The following PLXNA4 variants were observed in gnomAD, a reference collection of about 807,000 sequenced individuals.
The protein encoded by PLXNA4 is plexin-A4.
In PLXNA4, 44 loss-of-function variants were observed where a neutral mutation model predicts 191.8. That is an observed-to-expected ratio of 0.23 (90% confidence interval 0.18 to 0.29). The LOEUF (loss-of-function observed/expected upper bound fraction) is 0.29. Among genes scored for constraint, PLXNA4 ranks in the 10% least tolerant of loss-of-function variants. PLXNA4 has a pLI of 1.00. For missense variants in PLXNA4, 1,800 were observed against 2,488.8 expected, an observed-to-expected ratio of 0.72 and a Z score of 5.89; for synonymous variants, 1,082 against 1,009.5, an observed-to-expected ratio of 1.07 and a Z score of -1.36.
intron 3 of PLXNA4, among the ~76,000 whole-genome samples, chr7:132,453,289 C>T (rs1411867499): frequency 6.6e-6 from 1 of 152,144 alleles, no homozygotes; most frequent in African/African-American, 2.4e-5. Context: ...AGAAAGGTGA[C>T]ACAGACCCCA....
At chr7:132,227,929 G>T (rs932020323) in intron 6 of PLXNA4, among the ~76,000 whole-genome samples, 1 of 152,126 alleles carries the variant, frequency 6.6e-6, no homozygotes, top group Non-Finnish European at 1.5e-5. Flanking sequence ...CTTCCATTAG[G>T]CCCAATTTTG....
intron 3 of PLXNA4, among the ~76,000 whole-genome samples, chr7:132,355,744 A>T (rs77114902): frequency 6.6e-6 from 1 of 151,794 alleles, no homozygotes; most frequent in Non-Finnish European, 1.5e-5. Context: ...GTAGAGGGCA[A>T]GGGGGAAGGG....
chr7:132,469,452 G>A (rs751386208), intron 3 of PLXNA4, among the ~76,000 whole-genome samples: 6 of 152,096 alleles, frequency 3.9e-5, no homozygotes, highest in East Asian at 3.9e-4. Flanking sequence ...AGTCATTTCC[G>A]CTTTTTCAGC....
At chr7:132,558,673 C>A (rs1037975748) in intron 1 of PLXNA4, among the ~76,000 whole-genome samples, 2 of 152,236 alleles carry the variant, frequency 1.3e-5, no homozygotes, top group African/African-American at 4.8e-5. Flanking sequence ...CCCCAACAAT[C>A]GGCCTGGGGC....
At chr7:132,299,780 C>G (rs759449239) in intron 3 of PLXNA4, among the ~76,000 whole-genome samples, 1 of 152,132 alleles carries the variant, frequency 6.6e-6, no homozygotes, top group Non-Finnish European at 1.5e-5. Context: ...CCAGCTTGAT[C>G]TTACTCTCTG....
chr7:132,421,191 C>T (rs968345330), intron 3 of PLXNA4, among the ~76,000 whole-genome samples: 1 of 152,196 alleles, frequency 6.6e-6, no homozygotes, highest in Non-Finnish European at 1.5e-5. Context: ...AATCATACAG[C>T]ATTTGTCCTT....
chr7:132,518,820 A>G (rs1188855381), intron 1 of PLXNA4, among the ~76,000 whole-genome samples: 1 of 152,052 alleles, frequency 6.6e-6, no homozygotes, highest in Non-Finnish European at 1.5e-5. Flanking sequence ...ATGTTTATAC[A>G]TGGTTTCCAC....
At chr7:132,507,471 C>T (rs1201430731) in intron 2 of PLXNA4, 35 bp downstream of exon 2, 6 of 1,568,508 alleles carry the variant, frequency 3.8e-6, no homozygotes, top group South Asian at 3.6e-5. Context: ...CCTACACTCC[C>T]AACCATCCCA....
In PLXNA4 at chr7:132,210,966, T is replaced by A. The variant is rs745586363; in HGVS notation, c.2275A>T (p.Ser759Cys). The change falls in exon 10 of 32, where the codon AGC (serine) becomes TGC (cysteine). Residue 759 changes from serine (S) to cysteine (C), a missense_variant. Ser to Cys is a moderately radical substitution (Grantham distance 112). This residue lies in a region of PLXNA4 where 1,397 missense variants were observed against 1,880.4 expected (regional missense o/e 0.74). Coordinates refer to ENST00000321063, the MANE Select transcript of PLXNA4 (RefSeq NM_020911.2). The stretch of plus-strand genomic sequence containing the variant: ...ACAGAGGTGTTCTGGCACTGTACGC[T>A]GGAGCTGTTGAAGCGCAGGGCGGGC... ...RVPALRFNSS[S>C]VQCQNTSYSY... is the part of the protein sequence containing the mutation. The A allele has an allele frequency of 3.1e-6, 5 of 1,612,824 alleles. No homozygotes were observed. The South Asian group carries it at 5.5e-5, about 18-fold the overall frequency.
Position 132,181,579 on chromosome 7 carries a change from C to T in PLXNA4, c.3294G>A (p.Ala1098=), listed in dbSNP as rs201843424. The change falls in exon 18 of 32, where the codon GCG becomes GCA. Residue 1098 remains alanine (A), a synonymous_variant. Coordinates refer to ENST00000321063, the MANE Select transcript of PLXNA4 (RefSeq NM_020911.2). ...GGTCAGGACCCAGAGCGAGGGCGGGCGCCTGACAGGTCATCTCAGTAGCGT... is the reference window on the plus strand; with the variant it reads ...GGTCAGGACCCAGAGCGAGGGCGGGTGCCTGACAGGTCATCTCAGTAGCGT... ...VLNATEMTCQ[A]PALALGPDHQ... 24 of 1,614,020 alleles carry T rather than the reference C, an allele frequency of 1.5e-5. No individual in the cohort carries two copies. Among genetic ancestry groups the T allele is most frequent in the Non-Finnish European group, 1.9e-5 (23 of 1,180,042 alleles).
In PLXNA4 at chr7:132,202,716, G is replaced by C; in HGVS notation, c.2516C>G (p.Pro839Arg). Reference protein sequence around the residue: ...PGQCTLRQHCPAQESQWLELS... With the variant: ...PGQCTLRQHCRAQESQWLELS... Reference sequence around the variant, plus strand: ...CTCCAGCCACTGGCTCTCCTGGGCAGGGCAGTGCTGGCGCAGGGTGCACTG... The same window carrying C: ...CTCCAGCCACTGGCTCTCCTGGGCACGGCAGTGCTGGCGCAGGGTGCACTG... Residue 839 changes from proline to arginine, a missense_variant, in exon 12 of 32, where the codon CCT (proline) becomes CGT (arginine). Pro to Arg is a moderately radical substitution (Grantham distance 103). This residue lies in a region of PLXNA4 where 1,397 missense variants were observed against 1,880.4 expected (regional missense o/e 0.74). Coordinates refer to ENST00000321063, the MANE Select transcript of PLXNA4 (RefSeq NM_020911.2). The C allele has an allele frequency of 1.2e-6, 2 of 1,606,514 alleles. No individual in the cohort carries two copies. Among genetic ancestry groups the C allele is most frequent in the Non-Finnish European group, 8.5e-7 (1 of 1,175,978 alleles).
At chr7:132,496,704 A>C (rs966738014) in intron 2 of PLXNA4, among the ~76,000 whole-genome samples, 3 of 152,136 alleles carry the variant, frequency 2.0e-5, no homozygotes, top group African/African-American at 7.2e-5. Flanking sequence ...CTGGCTAAAA[A>C]ACTGATCTTA....
chr7:132,138,265 G>A (rs1795170589), intron 30 of PLXNA4, among the ~76,000 whole-genome samples: 1 of 152,158 alleles, frequency 6.6e-6, no homozygotes, highest in Non-Finnish European at 1.5e-5. Context: ...GTCCTGGGAG[G>A]ACTGTCTCCA....
chr7:132,181,488 G>T lies in PLXNA4; in HGVS notation c.3385C>A (p.Leu1129Ile), dbSNP rs1796703306. The change falls in exon 18 of 32, where the codon CTC (leucine) becomes ATC (isoleucine). Residue 1129 changes from leucine (L) to isoleucine (I), a missense_variant. This residue lies in a region of PLXNA4 where 1,397 missense variants were observed against 1,880.4 expected (regional missense o/e 0.74). Coordinates refer to ENST00000321063, the MANE Select transcript of PLXNA4 (RefSeq NM_020911.2). ...GFILDNVQSL[L>I]ILNKTNFTYY... ...GTGAAGTTGGTCTTGTTGAGGATGA[G>T]CAGGGACTGGACGTTGTCCAGGATG... The T allele has an allele frequency of 1.2e-6, 2 of 1,614,196 alleles. No homozygotes were observed. Among genetic ancestry groups the T allele is most frequent in the Non-Finnish European group, 1.7e-6 (2 of 1,180,032 alleles).
intron 1 of PLXNA4, among the ~76,000 whole-genome samples, chr7:132,513,465 T>C (rs1225979736): frequency 6.6e-6 from 1 of 152,300 alleles, no homozygotes; most frequent in South Asian, 2.1e-4. Context: ...ACGTTGGGCA[T>C]TGGAGAGCTG....
chr7:132,177,294 T>G (rs1562899922), intron 20 of PLXNA4, among the ~76,000 whole-genome samples: 1 of 152,202 alleles, frequency 6.6e-6, no homozygotes, highest in Non-Finnish European at 1.5e-5. Context: ...TATGTTTATA[T>G]ATCAGAAGCT....
rs928563684 is a variant in PLXNA4 at position 132,508,454 on chromosome 7, G to C, written c.240C>G (p.Val80=). Residue 80 remains valine (V), a synonymous_variant, in exon 2 of 32, where the codon GTC becomes GTG. Coordinates refer to ENST00000321063, the MANE Select transcript of PLXNA4 (RefSeq NM_020911.2). This position sits in a 1 kb window ranked among gnomAD's most constrained non-coding sequence, Gnocchi z 4.4. ...RIYKLSSDLK[V]LVTHETGPDE... ...CCGGCCCTGTCTCATGCGTCACCAA[G>C]ACCTTCAGGTCGCTGGAGAGCTTGT... is the stretch of plus-strand genomic sequence containing the variant. 7 of 1,614,098 alleles carry C rather than the reference G, an allele frequency of 4.3e-6. No individual in the cohort carries two copies. The African/African-American group carries it at 9.3e-5, about 22-fold the overall frequency.
rs1356336558 is a variant in PLXNA4 at position 132,562,665 on chromosome 7, TTCC to T, written c.-87+13754_-87+13756del. ...CTTTCTCCTCCTCCTCCTCCTTCTC[TTCC>T]TCCTCCTCCTCCTCTCCTCCTTTTC... On this transcript the variant is annotated intron_variant, in intron 1 of 31. Transcript: ENST00000321063. 5.9e-3 allele frequency among the ~76,000 whole-genome samples: 391 copies of T among 66,454 alleles called. 7 individuals are homozygous for T. Among genetic ancestry groups the T allele is most frequent in the Non-Finnish European group, 6.4e-3 (222 of 34,790 alleles). 43.6% of individuals were successfully genotyped at this position (66,454 alleles called of 152,430 possible).
Position 132,600,125 on chromosome 7 carries a change from T to C in PLXNA4, c.-87+45803A>G, listed in dbSNP as rs76107406. On this transcript the variant is annotated intron_variant, in intron 2 of 4. Transcript: ENST00000378539. Reference sequence around the variant, plus strand: ...ACTTATCATAAGTGAAATATGCCTATAGTTTTCTTTTCTTACATTGCTCTT... The same window carrying C: ...ACTTATCATAAGTGAAATATGCCTACAGTTTTCTTTTCTTACATTGCTCTT... Among the ~76,000 whole-genome samples the C allele has an allele frequency of 8.4e-3, 1,273 of 152,332 alleles. 23 individuals are homozygous for C. The highest frequency in any genetic ancestry group is 0.03 in the African/African-American group (1,232 of 41,580).
Sources: gnomAD v4.1 joint callset for allele counts (sites outside exome capture counted in the v4.1 genomes callset) on GRCh38, gnomAD v4.1.1 for gene constraint, gnomAD v4.1.1 regional missense constraint, Gnocchi (gnomAD v3.1) non-coding constraint, MANE v1.5 for transcripts, NCBI Gene and HGNC (gene_info 2026-07-23, HGNC 2026-07-21) for gene names.